The following DLG2 variants were observed in gnomAD, a reference collection of about 807,000 sequenced individuals.
The protein encoded by DLG2 is discs large MAGUK scaffold protein 2, also known as disks large homolog 2.
DLG2 carries 45 observed loss-of-function variants against 132.5 expected under a neutral mutation model. The ratio of observed to expected loss-of-function variants is 0.34; its 90% confidence interval spans 0.27 to 0.44. DLG2 has a LOEUF of 0.44. Among genes scored for constraint, DLG2 ranks in the 20% least tolerant of loss-of-function variants. The pLI is 1.00. For synonymous variants in DLG2, 424 were observed against 419.6 expected, an observed-to-expected ratio of 1.01 and a Z score of -0.13; for missense variants, 1,045 against 1,196.9, an observed-to-expected ratio of 0.87 and a Z score of 1.87.
chr11:85,019,064 A>G (rs926728009), intron 6 of DLG2, among the ~76,000 whole-genome samples: 15 of 152,192 alleles, frequency 9.9e-5, no homozygotes, highest in African/African-American at 3.6e-4. Context: ...TGCTTTAAGG[A>G]GCCACTCAAC....
chr11:84,643,260 T>G (rs188684424), intron 6 of DLG2, among the ~76,000 whole-genome samples: 1 of 152,278 alleles, frequency 6.6e-6, no homozygotes, highest in East Asian at 1.9e-4. Flanking sequence ...ATTGGGCCCT[T>G]TTAGTGAATT....
At chr11:83,831,057 C>T (rs1248678226) in intron 17 of DLG2, among the ~76,000 whole-genome samples, 1 of 152,190 alleles carries the variant, frequency 6.6e-6, no homozygotes, top group Non-Finnish European at 1.5e-5. Flanking sequence ...TTATTCAACA[C>T]TTTTTCATTC....
intron 15 of DLG2, among the ~76,000 whole-genome samples, chr11:83,880,667 C>T (rs773237691): frequency 3.9e-5 from 6 of 152,078 alleles, no homozygotes; most frequent in East Asian, 1.9e-4. Flanking sequence ...GAAAGGACCA[C>T]GGCTCTATTA....
At chr11:84,944,460 T>C (rs936533213) in intron 6 of DLG2, among the ~76,000 whole-genome samples, 18 of 152,092 alleles carry the variant, frequency 1.2e-4, no homozygotes, top group South Asian at 6.2e-4. Flanking sequence ...ATTTTCAAAC[T>C]GCCTGTCTTC....
At chr11:84,276,804 T>G (rs2154367751) in intron 7 of DLG2, among the ~76,000 whole-genome samples, 2 of 152,312 alleles carry the variant, frequency 1.3e-5, no homozygotes, top group East Asian at 3.9e-4. Context: ...TGGTTTAAAT[T>G]TAACTTCATG....
At chr11:85,291,688 G>A (rs907538319) in intron 3 of DLG2, among the ~76,000 whole-genome samples, 2 of 151,284 alleles carry the variant, frequency 1.3e-5, no homozygotes, top group African/African-American at 2.4e-5. Flanking sequence ...GGGTTCAAGC[G>A]ATTATCCTGA....
In DLG2 at chr11:84,600,575, C is replaced by T. The variant is rs184855125; in HGVS notation, c.358-65844G>A. Among the ~76,000 whole-genome samples, 260 of 152,212 alleles carry T rather than the reference C, an allele frequency of 1.7e-3. 3 individuals are homozygous for T. The highest frequency in any genetic ancestry group is 6.1e-3 in the African/African-American group (254 of 41,542). The stretch of plus-strand genomic sequence containing the variant: ...TGAGGATATGACTAGAATCTATCTG[C>T]CTTCAAATATAATGCTCTTTTAACA... On this transcript the variant is annotated intron_variant, in intron 6 of 27. Transcript: ENST00000376104.
At chr11:84,924,911 T>C (rs911820373) in intron 6 of DLG2, among the ~76,000 whole-genome samples, 1 of 152,156 alleles carries the variant, frequency 6.6e-6, no homozygotes, top group Non-Finnish European at 1.5e-5. Context: ...CTACGGACTT[T>C]AAATGCAAAA....
chr11:84,504,244 C>G (rs2099231685), intron 7 of DLG2, among the ~76,000 whole-genome samples: 1 of 152,150 alleles, frequency 6.6e-6, no homozygotes, highest in African/African-American at 2.4e-5. Flanking sequence ...CCCTGTCTTT[C>G]TACTATCCTC....
intron 4 of DLG2, among the ~76,000 whole-genome samples, chr11:85,248,764 A>C (rs1565213351): frequency 6.6e-6 from 1 of 152,122 alleles, no homozygotes; most frequent in Non-Finnish European, 1.5e-5. Context: ...ACCATAGAAT[A>C]ATTACCAAAT....
chr11:84,715,991 T>C (rs966232598), intron 6 of DLG2, among the ~76,000 whole-genome samples: 20 of 152,226 alleles, frequency 1.3e-4, no homozygotes, highest in South Asian at 6.2e-4. Flanking sequence ...CTTCACACTG[T>C]TTTCCATAAT....
intron 6 of DLG2, among the ~76,000 whole-genome samples, chr11:84,735,459 T>C (rs897790479): frequency 6.6e-6 from 1 of 152,212 alleles, no homozygotes; most frequent in Non-Finnish European, 1.5e-5. Context: ...TGGTAGTTTG[T>C]ATTTCTGTGG....
At chr11:84,991,438 G>A (rs2057091413) in intron 6 of DLG2, among the ~76,000 whole-genome samples, 1 of 150,698 alleles carries the variant, frequency 6.6e-6, no homozygotes, top group Non-Finnish European at 1.5e-5. Flanking sequence ...TACCCCAGAA[G>A]GAGGAGGTTG....
intron 3 of DLG2, among the ~76,000 whole-genome samples, chr11:85,523,031 G>A (rs1444569091): frequency 2.6e-5 from 4 of 152,194 alleles, no homozygotes; most frequent in Non-Finnish European, 5.9e-5. Context: ...GTCTGGCTTT[G>A]TGTCCCCACC....
intron 3 of DLG2, among the ~76,000 whole-genome samples, chr11:85,591,905 T>C (rs1239027434): frequency 8.5e-5 from 13 of 152,334 alleles, no homozygotes; most frequent in Non-Finnish European, 1.0e-4. Context: ...TCAATAAATA[T>C]CCTGTGAACG....
intron 3 of DLG2, among the ~76,000 whole-genome samples, chr11:85,481,983 C>A (rs72953930): frequency 6.6e-6 from 1 of 152,124 alleles, no homozygotes; most frequent in Non-Finnish European, 1.5e-5. Context: ...AGCTCCAAGC[C>A]TGCCACAGCA....
intron 6 of DLG2, among the ~76,000 whole-genome samples, chr11:84,568,062 T>G (rs2099464382): frequency 6.6e-5 from 10 of 152,148 alleles, no homozygotes; most frequent in Non-Finnish European, 1.3e-4. Context: ...GAAGGCCACT[T>G]TGGTTTTACC....
chr11:85,433,997 A>T (rs927216393), intron 3 of DLG2, among the ~76,000 whole-genome samples: 2 of 152,212 alleles, frequency 1.3e-5, no homozygotes, highest in African/African-American at 2.4e-5. Flanking sequence ...TCAAATTAGA[A>T]CTCAGGATTA....
At chr11:84,751,274 G>T (rs1385167897) in intron 6 of DLG2, among the ~76,000 whole-genome samples, 1 of 152,046 alleles carries the variant, frequency 6.6e-6, no homozygotes, top group Non-Finnish European at 1.5e-5. Flanking sequence ...AAGCATATGT[G>T]CTTTATCTCA....
Sources: allele counts gnomAD v4.1 joint callset (sites outside exome capture counted in the v4.1 genomes callset), GRCh38; gene constraint gnomAD v4.1.1; transcripts MANE v1.5; gene names NCBI Gene and HGNC (gene_info 2026-07-23, HGNC 2026-07-21).